ZNF423: variants seen among roughly 807,000 people sequenced by gnomAD.
ZNF423 encodes zinc finger protein 423.
A neutral mutation model predicts 95.8 loss-of-function variants in ZNF423; 12 were observed. The ratio of observed to expected loss-of-function variants is 0.13; its 90% CI spans 0.08 to 0.20. The LOEUF (loss-of-function observed/expected upper bound fraction) is 0.20. Ranked by LOEUF, ZNF423 falls within the 10% of genes least tolerant of loss-of-function variation. The pLI, the probability that ZNF423 is intolerant of heterozygous loss-of-function variation, is 1.00. For missense variants in ZNF423, 1,316 were observed against 1,737.1 expected (o/e 0.76, Z 4.31); for synonymous variants, 749 against 711.9 (o/e 1.05, Z -0.83).
chr16:49,838,316 T>A (rs529583961), intron 1 of ZNF423, among the ~76,000 whole-genome samples: 16 of 152,178 alleles, frequency 1.1e-4, no homozygotes, highest in Non-Finnish European at 2.1e-4. Context: ...GGGCCATTTA[T>A]TTTACTTCCC....
intron 2 of ZNF423, among the ~76,000 whole-genome samples, chr16:49,733,184 G>A (rs978298401): frequency 2.7e-5 from 4 of 150,750 alleles, no homozygotes; most frequent in Admixed American, 6.7e-5. Flanking sequence ...GCCCGTCTCC[G>A]AAATTCCTCG....
At chr16:49,552,982 T>G (rs7193043) in intron 5 of ZNF423, among the ~76,000 whole-genome samples, 74,997 of 151,892 alleles carry the variant, frequency 0.49, 22,622 homozygotes, top group African/African-American at 0.86. Context: ...CAGGGCAGAG[T>G]CACCAGCAGG....
intron 1 of ZNF423, among the ~76,000 whole-genome samples, chr16:49,816,788 A>C (rs2034862708): frequency 6.6e-6 from 1 of 152,188 alleles, no homozygotes; most frequent in Non-Finnish European, 1.5e-5. Flanking sequence ...TGTCTCAAAA[A>C]AAAGGAAGAT....
intron 5 of ZNF423, among the ~76,000 whole-genome samples, chr16:49,620,194 TACAC>T (rs1972020258): frequency 7.6e-6 from 1 of 132,440 alleles, no homozygotes; most frequent in African/African-American, 2.9e-5. Context: ...TACACACACA[TACAC>T]ATACACACAC....
intron 1 of ZNF423, among the ~76,000 whole-genome samples, chr16:49,806,969 G>A (rs1388641381): frequency 3.3e-5 from 5 of 151,120 alleles, no homozygotes; most frequent in African/African-American, 1.2e-4. Context: ...AGAGGTTGCA[G>A]CGAGCCGAGA....
At position 49,603,195 on chromosome 16, in the gene ZNF423, C is replaced by A. The variant is rs1019006956; in HGVS notation, c.3601+22975G>T. ...GCTGCAGTGATCTCTGGCAGGGCCG[C>A]CAGGGACCACAATGTAAATGGTGTC... On this transcript the variant is annotated intron_variant, in intron 5 of 7. Transcript: ENST00000563137. This position sits in a 1 kb window ranked among gnomAD's most constrained non-coding sequence, Gnocchi z 4.1. Among the ~76,000 whole-genome samples, 13 of 152,192 alleles carry A rather than the reference C, an allele frequency of 8.5e-5. No individual in the cohort carries two copies. The highest frequency in any genetic ancestry group is 3.1e-4 in the African/African-American group (13 of 41,442).
intron 7 of ZNF423, among the ~76,000 whole-genome samples, chr16:49,494,966 C>T (rs185924161): frequency 2.0e-5 from 3 of 150,184 alleles, no homozygotes; most frequent in African/African-American, 7.4e-5. Context: ...CTATATTTAG[C>T]CCCTTTAGAG....
rs748061381 is a variant in ZNF423 at position 49,635,811 on chromosome 16, T to C, written c.3365A>G (p.Asp1122Gly). Residue 1122 changes from aspartate to glycine, a missense_variant, in exon 4 of 8, where the codon GAC (aspartate) becomes GGC (glycine). This residue lies in a region of ZNF423 where 620 missense variants were observed against 775.6 expected (regional missense o/e 0.80). Transcript: ENST00000563137. This position sits in a 1 kb window ranked among gnomAD's most constrained non-coding sequence, Gnocchi z 4.8. ...GCAACGGAGGCCGGCACAGGGCCGG[T>C]CGGCGGGCTCGGGCGGGGCCAGGCC... ...VGGLAPPEPA[D>G]RPCAGLRCPE... 3 of 1,610,332 alleles carry C rather than the reference T, an allele frequency of 1.9e-6. No homozygotes were observed. Among genetic ancestry groups the C allele is most frequent in the Admixed American group, 1.7e-5 (1 of 59,570 alleles).
chr16:49,837,823 C>T (rs1485924481), intron 1 of ZNF423, among the ~76,000 whole-genome samples: 7 of 152,240 alleles, frequency 4.6e-5, no homozygotes, highest in Non-Finnish European at 4.4e-5. Context: ...AGCCACTGTC[C>T]TCTGCAGTTC....
At chr16:49,608,632 A>G (rs1224040172) in intron 5 of ZNF423, among the ~76,000 whole-genome samples, 3 of 152,212 alleles carry the variant, frequency 2.0e-5, no homozygotes, top group Admixed American at 6.5e-5. Context: ...TTTTTGCTTC[A>G]TATATCCCAG....
rs556765402 is a variant in ZNF423 at position 49,745,827 on chromosome 16, A to G, written c.101-14856T>C. ...GAAGAGCCCAGAATATTATCAGGAA[A>G]GTGCAAGAATTTGCATCAAAGGCAG... is the stretch of plus-strand genomic sequence containing the variant. On this transcript the variant is annotated intron_variant, in intron 2 of 7. Transcript: ENST00000563137. 3.9e-5 allele frequency among the ~76,000 whole-genome samples: 6 copies of G among 152,288 alleles called. No individual in the cohort carries two copies. In the South Asian group the frequency reaches 1.2e-3, roughly 32 times the overall value.
rs1326357883 is a variant in ZNF423, at chr16:49,637,701, T to C, written c.1475A>G (p.Tyr492Cys). 1 of 1,614,062 alleles carries C rather than the reference T, an allele frequency of 6.2e-7. No homozygotes were observed. The highest frequency in any genetic ancestry group is 8.5e-7 in the Non-Finnish European group (1 of 1,180,024). Residue 492 changes from tyrosine (Y) to cysteine (C), a missense_variant, in exon 4 of 8, where the codon TAC becomes TGC. This residue lies in a region of ZNF423 where 399 missense variants were observed against 478.5 expected (regional missense o/e 0.83). Coordinates refer to ENST00000563137, the MANE Select transcript of ZNF423 (RefSeq NM_001379286.1). This position sits in a 1 kb window ranked among gnomAD's most constrained non-coding sequence, Gnocchi z 5.6. ...FGNISAFHCN[Y>C]CPEMFADINS... ...GATGTCGGCGAACATCTCGGGGCAG[T>C]AGTTGCAGTGGAAGGCAGAGATGTT...
intron 5 of ZNF423, among the ~76,000 whole-genome samples, chr16:49,541,333 G>A (rs1969238007): frequency 6.6e-6 from 1 of 152,178 alleles, no homozygotes; most frequent in Admixed American, 6.5e-5. Context: ...TAAAAAGGCA[G>A]ACTAACAATC....
At chr16:49,567,948 C>T (rs1970244292) in intron 5 of ZNF423, among the ~76,000 whole-genome samples, 1 of 152,180 alleles carries the variant, frequency 6.6e-6, no homozygotes, top group East Asian at 1.9e-4. Context: ...ATCCATTCTC[C>T]CTCCTTTTGG....
intron 3 of ZNF423, among the ~76,000 whole-genome samples, chr16:49,680,639 T>C (rs373055020): frequency 4.2e-4 from 64 of 152,296 alleles, no homozygotes; most frequent in African/African-American, 1.5e-3. Flanking sequence ...ACAGTACACC[T>C]GGTCCAGCCA....
chr16:49,494,642 G>T (rs1414284827), intron 7 of ZNF423, among the ~76,000 whole-genome samples: 1 of 152,234 alleles, frequency 6.6e-6, no homozygotes, highest in Non-Finnish European at 1.5e-5. Context: ...GTGCCCAGGT[G>T]CTCAGCCAAG....
At chr16:49,534,234 CCTT>C (rs1232861945) in intron 5 of ZNF423, among the ~76,000 whole-genome samples, 2 of 105,654 alleles carry the variant, frequency 1.9e-5, no homozygotes, top group African/African-American at 7.8e-5. Flanking sequence ...TGTTACTTCT[CCTT>C]CTTTTTTTTT....
intron 7 of ZNF423, among the ~76,000 whole-genome samples, chr16:49,510,896 G>A (rs1433504905): frequency 2.0e-5 from 3 of 152,210 alleles, no homozygotes; most frequent in African/African-American, 7.2e-5. Context: ...CAGCTCCCCC[G>A]TGCCCATCTG....
At chr16:49,690,288 T>G (rs1459467181) in intron 3 of ZNF423, among the ~76,000 whole-genome samples, 1 of 152,132 alleles carries the variant, frequency 6.6e-6, no homozygotes, top group African/African-American at 2.4e-5. Context: ...TCCAAATCAC[T>G]GGGAGGCCGA....
Sources: allele counts gnomAD v4.1 joint callset (sites outside exome capture counted in the v4.1 genomes callset), GRCh38; gene constraint gnomAD v4.1.1; regional missense constraint gnomAD v4.1.1; non-coding constraint Gnocchi (gnomAD v3.1); transcripts MANE v1.5; gene names NCBI Gene and HGNC (gene_info 2026-07-23, HGNC 2026-07-21).